Variants in TTLL6 observed in about 807,000 individuals in gnomAD.
TTLL6 encodes the protein tubulin polyglutamylase TTLL6.
Under a neutral mutation model 96.4 loss-of-function variants are expected in TTLL6, and 75 were observed. That is an observed-to-expected ratio of 0.78 (90% CI 0.65 to 0.94). TTLL6 has a LOEUF of 0.94. Among genes scored for constraint, TTLL6 ranks in the 40% least tolerant of loss-of-function variants. TTLL6 has a pLI of 0.00. For synonymous variants in TTLL6, 411 were observed against 419.4 expected, an observed-to-expected ratio of 0.98 and a Z score of 0.24; for missense variants, 1,030 against 1,093.0, an observed-to-expected ratio of 0.94 and a Z score of 0.81.
rs1322038172 is a variant in TTLL6, at chr17:48,804,768, TA to T, written c.323+3del. 7.7e-6 allele frequency: 12 copies of T among 1,551,974 alleles called. No individual in the cohort carries two copies. Among genetic ancestry groups the T allele is most frequent in the Non-Finnish European group, 1.0e-5 (12 of 1,146,958 alleles). Reference sequence around the variant, plus strand: ...CTCCCCATTCCCCAGCTTTCAATCCTAACCTCTTTTTCTTCCTCTTCTTCTT... The same window carrying T: ...CTCCCCATTCCCCAGCTTTCAATCCTACCTCTTTTTCTTCCTCTTCTTCTT... On this transcript the variant is annotated splice_donor_region_variant and intron_variant, in intron 2 of 15. Transcript: ENST00000393382.
At chr17:48,801,116 T>A in intron 5 of TTLL6, 139 bp downstream of exon 5, 1 of 746,518 alleles carries the variant, frequency 1.3e-6, no homozygotes, top group Non-Finnish European at 2.2e-6. Flanking sequence ...ACACCCTTTA[T>A]CCCTTCTCTT....
intron 13 of TTLL6, among the ~76,000 whole-genome samples, chr17:48,780,259 C>T (rs559871801): frequency 6.6e-6 from 1 of 152,224 alleles, no homozygotes; most frequent in South Asian, 2.1e-4. Context: ...AATTCTCCTG[C>T]CTCAGCGAAC....
At chr17:48,808,323 C>A (rs1272157759) in intron 1 of TTLL6, among the ~76,000 whole-genome samples, 1 of 152,006 alleles carries the variant, frequency 6.6e-6, no homozygotes, top group Non-Finnish European at 1.5e-5. Context: ...TTCTTAATAT[C>A]CTGATATTAC....
chr17:48,767,868 C>A (rs2038647129), intron 15 of TTLL6, among the ~76,000 whole-genome samples: 1 of 152,254 alleles, frequency 6.6e-6, no homozygotes, highest in Non-Finnish European at 1.5e-5. Context: ...TTGCTCTGTC[C>A]CCTCAGCACA....
Position 48,802,998 on chromosome 17 carries a change from C to T in TTLL6, c.361+893G>A, listed in dbSNP as rs546472980. Among the ~76,000 whole-genome samples, 55 of 152,034 alleles carry T rather than the reference C, an allele frequency of 3.6e-4. No homozygotes were observed. The South Asian group carries it at 0.011, about 30-fold the overall frequency. On this transcript the variant is annotated intron_variant, in intron 3 of 15. Coordinates refer to ENST00000393382, the MANE Select transcript of TTLL6 (RefSeq NM_001130918.3). ...CGGCCTGACCAACATGGAGAAACAC[C>T]CATCTCTACTAAAACTACAAAATTA...
intron 15 of TTLL6, chr17:48,765,704 G>A (rs1351248663): frequency 6.6e-6 from 1 of 152,194 alleles, no homozygotes; most frequent in Non-Finnish European, 1.5e-5. Flanking sequence ...CCAGCTCCTG[G>A]GAGGCCACCA....
chr17:48,813,768 C>G (rs2039626521), intron 1 of TTLL6, among the ~76,000 whole-genome samples: 1 of 152,086 alleles, frequency 6.6e-6, no homozygotes, highest in Non-Finnish European at 1.5e-5. Context: ...TACCAGGGCT[C>G]CTATTAAGGG....
At chr17:48,772,830 G>A (rs1029793040) in intron 13 of TTLL6, among the ~76,000 whole-genome samples, 1 of 151,892 alleles carries the variant, frequency 6.6e-6, no homozygotes, top group Non-Finnish European at 1.5e-5. Context: ...CACTAGCCTG[G>A]GCAATATGTA....
chr17:48,772,068 A>G (rs1183067573), intron 13 of TTLL6, among the ~76,000 whole-genome samples: 1 of 152,080 alleles, frequency 6.6e-6, no homozygotes, highest in Non-Finnish European at 1.5e-5. Flanking sequence ...ACAAAGCAAG[A>G]TTCTATCTCA....
At chr17:48,784,858 G>T in intron 13 of TTLL6, 65 bp downstream of exon 13, 2 of 1,416,310 alleles carry the variant, frequency 1.4e-6, no homozygotes, top group East Asian at 2.3e-5. Context: ...GCAAGTTGGG[G>T]GTAGAGAAAG....
At chr17:48,766,798 T>C (rs1016470528) in intron 15 of TTLL6, among the ~76,000 whole-genome samples, 2 of 152,216 alleles carry the variant, frequency 1.3e-5, no homozygotes, top group African/African-American at 4.8e-5. Context: ...GGTAGTGGGT[T>C]GGAGCTCCTT....
Position 48,770,013 on chromosome 17 carries a change from C to A in TTLL6, c.2125G>T (p.Ala709Ser), listed in dbSNP as rs753599603. 1 of 1,614,048 alleles carries A rather than the reference C, an allele frequency of 6.2e-7. No individual in the cohort carries two copies. ...PKSPPTLAVTASSEYSGPETD... is the reference protein window; with the variant it reads ...PKSPPTLAVTSSSEYSGPETD... Reference sequence around the variant, plus strand: ...TCTGGGCCACTGTACTCAGAGCTGGCGGTCACAGCCAGGGTTGGCGGAGAC... The same window carrying A: ...TCTGGGCCACTGTACTCAGAGCTGGAGGTCACAGCCAGGGTTGGCGGAGAC... Residue 709 changes from alanine to serine, a missense_variant, in exon 14 of 16, where the codon GCC becomes TCC. Ala to Ser is a moderately conservative substitution (Grantham distance 99). Transcript: ENST00000393382.
At position 48,796,094 on chromosome 17, in the gene TTLL6, T is replaced by C; in HGVS notation, c.965A>G (p.Asn322Ser). The C allele has an allele frequency of 6.4e-7, 1 of 1,551,438 alleles. No individual in the cohort carries two copies. The highest frequency in any genetic ancestry group is 1.2e-5 in the South Asian group (1 of 84,046). ...GCCAGAGTGTGCATCTCGACTGAAA[T>C]TTGAACTGTGCTTATTAATGGAATA... Reference protein sequence around the residue: ...TNYSINKHSSNFSRDAHSGSK... With the variant: ...TNYSINKHSSSFSRDAHSGSK... Residue 322 changes from asparagine (N) to serine (S), a missense_variant, in exon 8 of 16, where the codon AAT becomes AGT. Transcript: ENST00000393382.
At position 48,797,820 on chromosome 17, in the gene TTLL6, T is replaced by C. The variant is rs994914914; in HGVS notation, c.769-616A>G. 1.3e-4 allele frequency among the ~76,000 whole-genome samples: 18 copies of C among 138,578 alleles called. No individual in the cohort carries two copies. In the Admixed American group the frequency reaches 1.3e-3, roughly 10 times the overall value. The allele number at this position is 138,578 out of a possible 152,430, so 90.9% of individuals were successfully genotyped here. A position where few individuals can be genotyped will look rare whatever the true frequency, so the allele number is the denominator to read the frequency against. On this transcript the variant is annotated intron_variant, in intron 6 of 15. Coordinates refer to ENST00000393382, the MANE Select transcript of TTLL6 (RefSeq NM_001130918.3). ...AAAAAAAAAAAAAAAAGTCCTCTGA[T>C]GGGCCAGGTGCAGTGGTTTATGTCT...
intron 13 of TTLL6, among the ~76,000 whole-genome samples, chr17:48,776,387 G>A (rs2038871493): frequency 6.6e-6 from 1 of 152,194 alleles, no homozygotes; most frequent in Admixed American, 6.5e-5. Context: ...CTTGAACCTG[G>A]GAGGTGGAGG....
intron 13 of TTLL6, among the ~76,000 whole-genome samples, chr17:48,779,043 G>T (rs68012338): frequency 1.3e-5 from 2 of 151,700 alleles, no homozygotes; most frequent in Non-Finnish European, 2.9e-5. Flanking sequence ...TGAGGTTGCA[G>T]TGAGCTATGA....
intron 14 of TTLL6, 28 bp from the exon 15 acceptor site, chr17:48,769,282 C>T (rs750863050): frequency 1.6e-5 from 25 of 1,568,772 alleles, no homozygotes; most frequent in Admixed American, 5.3e-5. Context: ...GAAGCATCAG[C>T]GATTTGTGCT....
intron 11 of TTLL6, 148 bp downstream of exon 11, chr17:48,787,663 T>C: frequency 1.4e-6 from 1 of 699,106 alleles, no homozygotes; most frequent in Non-Finnish European, 2.3e-6. Context: ...CCTAAAGTGC[T>C]AGGACTACAG....
intron 13 of TTLL6, among the ~76,000 whole-genome samples, chr17:48,771,660 C>T (rs2038749889): frequency 1.4e-5 from 2 of 138,818 alleles, no homozygotes; most frequent in African/African-American, 2.8e-5. Context: ...TGTATATATA[C>T]ACATTAGTGT....
Sources: gnomAD v4.1 joint callset for allele counts (sites outside exome capture counted in the v4.1 genomes callset) on GRCh38, gnomAD v4.1.1 for gene constraint, MANE v1.5 for transcripts, NCBI Gene and HGNC (gene_info 2026-07-23, HGNC 2026-07-21) for gene names.